The following ZNF442 variants were observed in gnomAD, a reference collection of about 807,000 sequenced individuals.
ZNF442 encodes the protein zinc finger protein 442.
ZNF442 carries 45 observed loss-of-function variants against 57.0 expected under a neutral mutation model. The observed-to-expected ratio is 0.79, with a 90% CI of 0.62 to 1.01. The LOEUF (loss-of-function observed/expected upper bound fraction) is 1.01. ZNF442 is among the 50% of genes least tolerant of loss of function. ZNF442 has a pLI of 0.00. For missense variants in ZNF442, 690 were observed against 756.5 expected, an observed-to-expected ratio of 0.91 and a Z score of 1.03; for synonymous variants, 213 against 241.8, an observed-to-expected ratio of 0.88 and a Z score of 1.10.
upstream of ZNF442, among the ~76,000 whole-genome samples, chr19:12,369,623 C>T (rs531127983): frequency 3.4e-5 from 5 of 147,806 alleles, no homozygotes; most frequent in East Asian, 1.0e-3. Context: ...ATGGGCCGGG[C>T]GCAGTGGCTT....
intron 3 of ZNF442, among the ~76,000 whole-genome samples, chr19:12,357,495 G>T (rs1969353357): frequency 6.6e-6 from 1 of 151,774 alleles, no homozygotes; most frequent in South Asian, 2.1e-4. Flanking sequence ...GGGATTACAG[G>T]TGCCCATCAC....
intron 2 of ZNF442, among the ~76,000 whole-genome samples, chr19:12,364,482 CT>C (rs1256019316): frequency 1.3e-5 from 2 of 151,284 alleles, no homozygotes; most frequent in African/African-American, 2.4e-5. Context: ...AATTAAAATA[CT>C]GGGACTCTGA....
intron 3 of ZNF442, among the ~76,000 whole-genome samples, chr19:12,359,665 G>A (rs1172664677): frequency 6.6e-6 from 1 of 152,106 alleles, no homozygotes; most frequent in African/African-American, 2.4e-5. Context: ...TTAGGTTAGA[G>A]CAAAACACTC....
In ZNF442 at chr19:12,346,921, T is replaced by C. The variant is rs377010435; in HGVS notation, c.*2780A>G. On this transcript the variant is annotated 3_prime_UTR_variant, in exon 6 of 6. Transcript: ENST00000242804. The stretch of plus-strand genomic sequence containing the variant: ...ACAGACAGAGAAAGTAGAATGGAGA[T>C]TTTCAGTACTTTGGGATAGGATGGA... The C allele has an allele frequency of 4.3e-4, 66 of 152,278 alleles. 1 individual carries two copies. The highest frequency in any genetic ancestry group is 1.5e-3 in the African/African-American group (63 of 41,566). 9.4% of individuals were successfully genotyped at this position (152,278 alleles called of 1,614,324 possible).
rs563316038 is a variant in ZNF442 at position 12,357,768 on chromosome 19, C to G, written c.79-4654G>C. ...ACGGGGTACAGGTCTAATGTTGCCA[C>G]AATGATATAGTGCATTGTGGTGAAT... On this transcript the variant is annotated intron_variant, in intron 3 of 5. Transcript: ENST00000242804. 6.6e-5 allele frequency among the ~76,000 whole-genome samples: 10 copies of G among 152,202 alleles called. No individual in the cohort carries two copies. The East Asian group carries it at 1.9e-3, about 29-fold the overall frequency.
intron 3 of ZNF442, among the ~76,000 whole-genome samples, chr19:12,363,254 T>C (rs1234632456): frequency 1.3e-5 from 2 of 151,868 alleles, no homozygotes; most frequent in African/African-American, 4.8e-5. Context: ...ATACTTTCTC[T>C]ATCAATCTCT....
At chr19:12,372,891 A>G in the ZNF442 span, among the ~76,000 whole-genome samples, 8 of 152,302 alleles carry the variant, frequency 5.3e-5, 1 homozygote, top group South Asian at 1.5e-3. Context: ...CTTCTGCCTC[A>G]GCCTCCTGAG....
chr19:12,368,875 T>C (rs955453687), upstream of ZNF442, among the ~76,000 whole-genome samples: 1 of 152,162 alleles, frequency 6.6e-6, no homozygotes, highest in Non-Finnish European at 1.5e-5. Flanking sequence ...GCAGAGGCAC[T>C]GAAGGATTTA....
chr19:12,353,178 A>G, intron 3 of ZNF442, 64 bp from the exon 4 acceptor site: 1 of 1,499,412 alleles, frequency 6.7e-7, no homozygotes, highest in Non-Finnish European at 8.9e-7. Flanking sequence ...ATTTACACCC[A>G]CTTCATAAAC....
In ZNF442 at chr19:12,346,698, T is replaced by C. The variant is rs914809392; in HGVS notation, c.*3003A>G. 6.6e-6 allele frequency: 1 copy of C among 152,184 alleles called. No homozygotes were observed. The highest frequency in any genetic ancestry group is 2.4e-5 in the African/African-American group (1 of 41,452). 9.4% of individuals were successfully genotyped at this position (152,184 alleles called of 1,614,324 possible). A position where few individuals can be genotyped will look rare whatever the true frequency, so the allele number is the denominator to read the frequency against. On this transcript the variant is annotated 3_prime_UTR_variant, in exon 6 of 6. Transcript: ENST00000242804. The stretch of plus-strand genomic sequence containing the variant: ...AAATTATTACTGTGGAAACAACCCA[T>C]GTTTATCAACATAAAAATGGATAAA...
In ZNF442 at chr19:12,348,673, C is replaced by A. The variant is rs1180293994; in HGVS notation, c.*1028G>T. The A allele has an allele frequency of 6.6e-6, 1 of 152,138 alleles. No individual in the cohort carries two copies. Among genetic ancestry groups the A allele is most frequent in the African/African-American group, 2.4e-5 (1 of 41,416 alleles). The allele number at this position is 152,138 out of a possible 1,614,324, so 9.4% of individuals were successfully genotyped here. A position where few individuals can be genotyped will look rare whatever the true frequency, so the allele number is the denominator to read the frequency against. On this transcript the variant is annotated 3_prime_UTR_variant, in exon 6 of 6. Coordinates refer to ENST00000242804, the MANE Select transcript of ZNF442 (RefSeq NM_030824.3). Reference sequence around the variant, plus strand: ...ACAGATGATCATCCTGACATCCTGTCAAGATTCAAGTGAGCCTGATGTCTC... The same window carrying A: ...ACAGATGATCATCCTGACATCCTGTAAAGATTCAAGTGAGCCTGATGTCTC...
At chr19:12,359,618 C>T (rs905513322) in intron 3 of ZNF442, among the ~76,000 whole-genome samples, 1 of 152,120 alleles carries the variant, frequency 6.6e-6, no homozygotes, top group Admixed American at 6.6e-5. Context: ...TGAGCCAGCA[C>T]AAAACCCCTC....
In ZNF442 at chr19:12,353,379, C is replaced by T. The variant is rs548316085; in HGVS notation, c.79-265G>A. Among the ~76,000 whole-genome samples, 158 of 152,290 alleles carry T rather than the reference C, an allele frequency of 1.0e-3. 4 individuals carry two copies. Among genetic ancestry groups the T allele is most frequent in the African/African-American group, 3.5e-3 (146 of 41,562 alleles). ...GAGTGAATTTTATTGCCGGCATCAT[C>T]CCTAATGTCTACTTTATAGTGGGTC... On this transcript the variant is annotated intron_variant, in intron 3 of 5. Coordinates refer to ENST00000242804, the MANE Select transcript of ZNF442 (RefSeq NM_030824.3).
rs763927391 is a variant in ZNF442 at position 12,347,906 on chromosome 19, G to C, written c.*1795C>G. ...GAGCATAAATACTAACAAGGAACTC[G>C]AAGATATACTGAAATTCTCTGCAGA... On this transcript the variant is annotated 3_prime_UTR_variant, in exon 6 of 6. Coordinates refer to ENST00000242804, the MANE Select transcript of ZNF442 (RefSeq NM_030824.3). The C allele has an allele frequency of 1.3e-5, 2 of 152,114 alleles. No individual in the cohort carries two copies. Among genetic ancestry groups the C allele is most frequent in the African/African-American group, 2.4e-5 (1 of 41,408 alleles). The allele number at this position is 152,114 out of a possible 1,614,324, so 9.4% of individuals were successfully genotyped here. A position where few individuals can be genotyped will look rare whatever the true frequency, so the allele number is the denominator to read the frequency against.
chr19:12,360,555 A>G (rs1969407282), intron 3 of ZNF442, among the ~76,000 whole-genome samples: 4 of 152,102 alleles, frequency 2.6e-5, no homozygotes, highest in African/African-American at 9.7e-5. Context: ...GTTAGCATTT[A>G]TTTATTTATT....
intron 3 of ZNF442, among the ~76,000 whole-genome samples, chr19:12,357,648 C>CG (rs1230753154): frequency 6.7e-6 from 1 of 149,786 alleles, no homozygotes; most frequent in African/African-American, 2.5e-5. Flanking sequence ...CCACCATGCC[C>CG]GGCCCTACCC....
Position 12,350,343 on chromosome 19 carries a change from G to A in ZNF442, c.1242C>T (p.Phe414=), listed in dbSNP as rs773135446. Reference sequence around the variant, plus strand: ...GTCCTTGAAATACACTGGGATAAATGAAGGCTTTCCCACATACCTTGCATT... The same window carrying A: ...GTCCTTGAAATACACTGGGATAAATAAAGGCTTTCCCACATACCTTGCATT... The part of the protein sequence containing the change: ...PHKCKVCGKA[F]IYPSVFQGHE... The change falls in exon 6 of 6, where the codon TTC becomes TTT. Residue 414 remains phenylalanine (F), a synonymous_variant. Coordinates refer to ENST00000242804, the MANE Select transcript of ZNF442 (RefSeq NM_030824.3). 1.2e-6 allele frequency: 2 copies of A among 1,613,852 alleles called. No homozygotes were observed. The highest frequency in any genetic ancestry group is 2.2e-5 in the South Asian group (2 of 91,076).
At chr19:12,355,296 A>G (rs1351204403) in intron 3 of ZNF442, among the ~76,000 whole-genome samples, 1 of 151,216 alleles carries the variant, frequency 6.6e-6, no homozygotes, top group Non-Finnish European at 1.5e-5. Flanking sequence ...ATCTCAAAAA[A>G]AAAAAAAAAA....
At chr19:12,369,518 T>C (rs1405555532), upstream of ZNF442, among the ~76,000 whole-genome samples, 1 of 152,096 alleles carries the variant, frequency 6.6e-6, no homozygotes, top group African/African-American at 2.4e-5. Context: ...CTTGGGAGGC[T>C]GAGGCAAGAG....
Sources: allele counts gnomAD v4.1 joint callset (sites outside exome capture counted in the v4.1 genomes callset), GRCh38; gene constraint gnomAD v4.1.1; transcripts MANE v1.5; gene names NCBI Gene and HGNC (gene_info 2026-07-23, HGNC 2026-07-21).